FIG4: variants seen among roughly 807,000 people sequenced by gnomAD.
The protein encoded by FIG4 is FIG4 phosphoinositide 5-phosphatase, also known as polyphosphoinositide phosphatase.
In FIG4, 112 loss-of-function variants were observed where a neutral mutation model predicts 118.6. The ratio of observed to expected loss-of-function variants is 0.94; its 90% CI spans 0.81 to 1.11. The LOEUF (loss-of-function observed/expected upper bound fraction) is 1.11, where lower values mean the gene tolerates loss of function less well. Among genes scored for constraint, FIG4 ranks in the 50% least tolerant of loss-of-function variants. FIG4 has a pLI of 0.00. For missense variants in FIG4, 969 were observed against 1,111.7 expected, an observed-to-expected ratio of 0.87 and a Z score of 1.83; for synonymous variants, 369 against 381.2, an observed-to-expected ratio of 0.97 and a Z score of 0.37.
At chr6:109,716,943 T>C (rs1350268873) in intron 3 of FIG4, among the ~76,000 whole-genome samples, 2 of 151,690 alleles carry the variant, frequency 1.3e-5, no homozygotes, top group Admixed American at 1.3e-4. Context: ...TTAAAATTAA[T>C]AGGAATTTCT....
At chr6:109,812,692 C>T (rs1348972399) in intron 22 of FIG4, among the ~76,000 whole-genome samples, 2 of 152,108 alleles carry the variant, frequency 1.3e-5, no homozygotes, top group Non-Finnish European at 2.9e-5. Context: ...TGCAAGCCCA[C>T]TTGGAATGAA....
At chr6:109,725,754 G>A (rs570903455) in intron 3 of FIG4, among the ~76,000 whole-genome samples, 1 of 152,170 alleles carries the variant, frequency 6.6e-6, no homozygotes, top group Non-Finnish European at 1.5e-5. Context: ...ATCCTCTCCA[G>A]CATCTGTTGT....
chr6:109,713,631 G>A (rs1238274644), intron 1 of FIG4, among the ~76,000 whole-genome samples: 7 of 152,160 alleles, frequency 4.6e-5, no homozygotes, highest in African/African-American at 7.2e-5. Flanking sequence ...GGGTACATGC[G>A]CACACGTGCA....
intron 15 of FIG4, among the ~76,000 whole-genome samples, chr6:109,771,538 G>A (rs192754151): frequency 3.8e-5 from 5 of 130,322 alleles, no homozygotes; most frequent in Non-Finnish European, 7.7e-5. Flanking sequence ...GCACTATCTC[G>A]GCTCACTGCA....
chr6:109,723,469 A>T (rs568109831), intron 3 of FIG4, among the ~76,000 whole-genome samples: 2 of 152,374 alleles, frequency 1.3e-5, no homozygotes, highest in East Asian at 3.9e-4. Context: ...TTCATTTAAA[A>T]ACTGAACTAT....
chr6:109,694,407 C>G (rs1774646339), intron 1 of FIG4, among the ~76,000 whole-genome samples: 1 of 152,144 alleles, frequency 6.6e-6, no homozygotes, highest in East Asian at 1.9e-4. Context: ...AAATAAGGCC[C>G]TTCTCTCTTG....
At chr6:109,697,261 CAA>C (rs566216314) in intron 1 of FIG4, among the ~76,000 whole-genome samples, 45 of 63,178 alleles carry the variant, frequency 7.1e-4, no homozygotes, top group East Asian at 1.2e-3. Context: ...GACTCTGTCT[CAA>C]AAAAAAAAAA....
At chr6:109,823,206 G>T (rs912337984) in intron 22 of FIG4, among the ~76,000 whole-genome samples, 6 of 152,140 alleles carry the variant, frequency 3.9e-5, no homozygotes, top group African/African-American at 1.4e-4. Flanking sequence ...GTTGAAGACA[G>T]ATCAGTGTTT....
At chr6:109,742,985 C>G (rs1283363155) in intron 8 of FIG4, 125 bp from the exon 9 acceptor site, 7 of 872,246 alleles carry the variant, frequency 8.0e-6, no homozygotes, top group Admixed American at 2.1e-5. Flanking sequence ...ATTTACCTCT[C>G]AAGACTTTCA....
At chr6:109,768,137 G>A (rs970239704) in intron 15 of FIG4, among the ~76,000 whole-genome samples, 2 of 152,272 alleles carry the variant, frequency 1.3e-5, no homozygotes, top group South Asian at 4.1e-4. Flanking sequence ...ACTGGTAACC[G>A]GATGTGGGCC....
chr6:109,751,309 G>A (rs1456845054), intron 10 of FIG4, among the ~76,000 whole-genome samples: 2 of 152,118 alleles, frequency 1.3e-5, no homozygotes, highest in Non-Finnish European at 2.9e-5. Flanking sequence ...TGCTGGATTC[G>A]GTTTGCCAGT....
chr6:109,776,048 C>A lies in FIG4; in HGVS notation c.1751-874C>A, dbSNP rs914735987. On this transcript the variant is annotated intron_variant, in intron 15 of 22. Coordinates refer to ENST00000230124, the MANE Select transcript of FIG4 (RefSeq NM_014845.6). ...TTATTATTTATATTGTGGATGTCTG[C>A]CACAAACTTCAATATACAGGGCTCT... Among the ~76,000 whole-genome samples, 6 of 152,084 alleles carry A rather than the reference C, an allele frequency of 3.9e-5. No homozygotes were observed. The South Asian group carries it at 1.2e-3, about 32-fold the overall frequency.
At chr6:109,764,201 G>A (rs1777205015) in intron 13 of FIG4, among the ~76,000 whole-genome samples, 1 of 152,104 alleles carries the variant, frequency 6.6e-6, no homozygotes, top group Non-Finnish European at 1.5e-5. Context: ...CACTTTGGGA[G>A]GCCGGAGTGG....
chr6:109,696,857 T>C (rs1439899980), intron 1 of FIG4, among the ~76,000 whole-genome samples: 1 of 152,124 alleles, frequency 6.6e-6, no homozygotes, highest in African/African-American at 2.4e-5. Flanking sequence ...AAATAATTTA[T>C]CATAGATTTT....
At chr6:109,696,471 A>G (rs1291986828) in intron 1 of FIG4, among the ~76,000 whole-genome samples, 1 of 152,254 alleles carries the variant, frequency 6.6e-6, no homozygotes, top group Non-Finnish European at 1.5e-5. Context: ...CACGATAGCT[A>G]AGATGTGGAA....
intron 21 of FIG4, 149 bp from the exon 22 acceptor site, chr6:109,796,614 CAA>C (rs2128398397): frequency 6.0e-6 from 4 of 669,400 alleles, no homozygotes; most frequent in South Asian, 1.6e-5. Context: ...TAAAATCAGG[CAA>C]AGTCTTATGT....
chr6:109,752,526 C>A (rs1486484790), intron 10 of FIG4, among the ~76,000 whole-genome samples: 1 of 152,082 alleles, frequency 6.6e-6, no homozygotes, highest in Admixed American at 6.6e-5. Context: ...TTAATGATCG[C>A]CATTCTAACT....
At position 109,728,221 on chromosome 6, in the gene FIG4, T is replaced by C. The variant is rs140639088; in HGVS notation, c.446+956T>C. ...TTTAGAAAAATAAAATGTATTTGTA[T>C]ATTTAAAGAGAGATAATATTTGTTT... is the stretch of plus-strand genomic sequence containing the variant. On this transcript the variant is annotated intron_variant, in intron 4 of 22. Transcript: ENST00000230124. Among the ~76,000 whole-genome samples, 71 of 152,336 alleles carry C rather than the reference T, an allele frequency of 4.7e-4. No homozygotes were observed. The East Asian group carries it at 6.7e-3, about 14-fold the overall frequency.
intron 22 of FIG4, among the ~76,000 whole-genome samples, chr6:109,802,267 T>C (rs1413455750): frequency 6.6e-6 from 1 of 152,244 alleles, no homozygotes; most frequent in African/African-American, 2.4e-5. Flanking sequence ...CCTTTCGCTT[T>C]TCTTCTTTCC....
Sources: allele counts gnomAD v4.1 joint callset (sites outside exome capture counted in the v4.1 genomes callset), GRCh38; gene constraint gnomAD v4.1.1; transcripts MANE v1.5; gene names NCBI Gene and HGNC (gene_info 2026-07-23, HGNC 2026-07-21).